The following EEFSEC variants were observed in gnomAD, a reference collection of about 807,000 sequenced individuals.
EEFSEC encodes eukaryotic elongation factor, selenocysteine-tRNA specific, also known as selenocysteine-specific elongation factor.
EEFSEC carries 43 observed loss-of-function variants against 42.1 expected under a neutral mutation model. That is an observed-to-expected ratio of 1.02 (90% CI 0.80 to 1.32). The LOEUF is 1.32. Ranked by LOEUF, EEFSEC falls within the 40% of genes most tolerant of loss-of-function variation. The probability of loss-of-function intolerance (pLI) is 0.00; values close to 1 mark genes in which losing one functional copy is unlikely to be tolerated. For missense variants in EEFSEC, 745 were observed against 803.6 expected, an observed-to-expected ratio of 0.93 and a Z score of 0.88; for synonymous variants, 354 against 339.1, an observed-to-expected ratio of 1.04 and a Z score of -0.48.
rs565813659 is a variant in EEFSEC at position 128,222,302 on chromosome 3, G to A, written c.317-24534G>A. Among the ~76,000 whole-genome samples the A allele has an allele frequency of 2.6e-5, 4 of 152,214 alleles. No homozygotes were observed. The South Asian group carries it at 8.3e-4, about 32-fold the overall frequency. On this transcript the variant is annotated intron_variant, in intron 1 of 6. Coordinates refer to ENST00000254730, the MANE Select transcript of EEFSEC (RefSeq NM_021937.5). Reference sequence around the variant, plus strand: ...CCTGCCTCGGCTTCCCAAAGGGCTGGGATTACAGATGTGAGCCACTGCGCC... The same window carrying A: ...CCTGCCTCGGCTTCCCAAAGGGCTGAGATTACAGATGTGAGCCACTGCGCC...
At chr3:128,304,612 T>C (rs2066806604) in intron 4 of EEFSEC, among the ~76,000 whole-genome samples, 1 of 152,176 alleles carries the variant, frequency 6.6e-6, no homozygotes, top group African/African-American at 2.4e-5. Flanking sequence ...TTTTAAATGT[T>C]TAGACCTTCA....
intron 2 of EEFSEC, among the ~76,000 whole-genome samples, chr3:128,261,882 C>A (rs577085603): frequency 2.0e-4 from 30 of 152,296 alleles, no homozygotes; most frequent in African/African-American, 7.0e-4. Flanking sequence ...AGGTTAATAT[C>A]TAAGAGAGCC....
At chr3:128,253,993 G>A (rs1023071793) in intron 2 of EEFSEC, among the ~76,000 whole-genome samples, 1 of 152,136 alleles carries the variant, frequency 6.6e-6, no homozygotes, top group Admixed American at 6.5e-5. Context: ...TTTCTTCAAG[G>A]GTTTGCTCCC....
intron 4 of EEFSEC, among the ~76,000 whole-genome samples, chr3:128,322,879 A>G (rs2067023311): frequency 1.3e-5 from 2 of 151,998 alleles, no homozygotes; most frequent in African/African-American, 4.8e-5. Flanking sequence ...TCTTTGCTTG[A>G]CTGACATCCA....
intron 1 of EEFSEC, among the ~76,000 whole-genome samples, chr3:128,225,019 G>A (rs1487610632): frequency 6.6e-6 from 1 of 152,226 alleles, no homozygotes; most frequent in Non-Finnish European, 1.5e-5. Context: ...TGGTTACCCC[G>A]AGTAGGGCGA....
intron 3 of EEFSEC, among the ~76,000 whole-genome samples, chr3:128,263,953 A>G (rs2066324925): frequency 6.6e-6 from 1 of 152,188 alleles, no homozygotes; most frequent in East Asian, 1.9e-4. Context: ...CTCAGGCATG[A>G]TGCCAGCTAC....
intron 6 of EEFSEC, among the ~76,000 whole-genome samples, chr3:128,363,585 G>A (rs1376657377): frequency 1.3e-5 from 2 of 152,146 alleles, no homozygotes. Context: ...AGCCACTTCT[G>A]CTCACCTCTG....
intron 6 of EEFSEC, among the ~76,000 whole-genome samples, chr3:128,378,091 C>T (rs1436964809): frequency 1.3e-5 from 2 of 152,218 alleles, no homozygotes; most frequent in Non-Finnish European, 2.9e-5. Context: ...ACTTCAGCCT[C>T]CTACACTGGG....
chr3:128,342,277 T>C (rs1177566928), intron 5 of EEFSEC, among the ~76,000 whole-genome samples: 1 of 152,240 alleles, frequency 6.6e-6, no homozygotes, highest in Admixed American at 6.5e-5. Context: ...GGCCCCACTC[T>C]CTTGACCTTG....
At position 128,262,561 on chromosome 3, in the gene EEFSEC, G is replaced by A. The variant is rs191684272; in HGVS notation, c.621+337G>A. 3.7e-3 allele frequency among the ~76,000 whole-genome samples: 565 copies of A among 152,258 alleles called. 7 individuals are homozygous for A. Among genetic ancestry groups the A allele is most frequent in the Admixed American group, 0.016 (239 of 15,302 alleles). On this transcript the variant is annotated intron_variant, in intron 3 of 6. Coordinates refer to ENST00000254730, the MANE Select transcript of EEFSEC (RefSeq NM_021937.5). ...CAGCTCCCACCCATCTGGAACCCTG[G>A]GACCGTGACATCCATTCCAGTCCTT...
chr3:128,387,804 G>C (rs867477604), intron 6 of EEFSEC, among the ~76,000 whole-genome samples: 1 of 152,158 alleles, frequency 6.6e-6, no homozygotes, highest in African/African-American at 2.4e-5. Context: ...CAAACCCTGC[G>C]AGTGTATGGA....
intron 5 of EEFSEC, 144 bp from the exon 6 acceptor site, chr3:128,358,073 C>A: frequency 9.5e-7 from 1 of 1,056,076 alleles, no homozygotes; most frequent in Non-Finnish European, 1.4e-6. Context: ...GTGGGCTCAT[C>A]ACCAGGCTAC....
intron 4 of EEFSEC, among the ~76,000 whole-genome samples, chr3:128,319,127 T>C (rs1171437393): frequency 6.6e-6 from 1 of 152,214 alleles, no homozygotes; most frequent in Non-Finnish European, 1.5e-5. Flanking sequence ...TGTTTCATGT[T>C]AAGTGCCATT....
At chr3:128,248,884 T>A (rs79899989) in intron 2 of EEFSEC, among the ~76,000 whole-genome samples, 6,646 of 152,318 alleles carry the variant, frequency 0.044, 484 homozygotes, top group African/African-American at 0.15. Context: ...ATTATGGACT[T>A]TATCACACAT....
chr3:128,336,738 C>T (rs912842847), intron 4 of EEFSEC, among the ~76,000 whole-genome samples: 1 of 152,236 alleles, frequency 6.6e-6, no homozygotes, highest in African/African-American at 2.4e-5. Flanking sequence ...GTTGTTCGCT[C>T]TCATACAGCC....
At chr3:128,367,670 C>A in intron 6 of EEFSEC, 1 of 985,456 alleles carries the variant, frequency 1.0e-6, no homozygotes, top group Non-Finnish European at 1.2e-6. Context: ...CCCCTTCCCA[C>A]CTTACAGGGA....
chr3:128,233,566 G>C (rs1172723853), intron 1 of EEFSEC, among the ~76,000 whole-genome samples: 1 of 152,212 alleles, frequency 6.6e-6, no homozygotes. Context: ...TTCTCTTACA[G>C]ATCTACCTGA....
At chr3:128,380,602 G>A (rs1355345138) in intron 6 of EEFSEC, among the ~76,000 whole-genome samples, 2 of 152,166 alleles carry the variant, frequency 1.3e-5, no homozygotes, top group Non-Finnish European at 2.9e-5. Flanking sequence ...CGTGCTTTAC[G>A]TTTTACATAC....
chr3:128,275,083 G>A (rs1559897481), intron 4 of EEFSEC, among the ~76,000 whole-genome samples: 2 of 152,120 alleles, frequency 1.3e-5, no homozygotes, highest in African/African-American at 2.4e-5. Context: ...TGTGGGCTGC[G>A]GTGCCTTTGG....
Sources: gnomAD v4.1 joint callset for allele counts (sites outside exome capture counted in the v4.1 genomes callset) on GRCh38, gnomAD v4.1.1 for gene constraint, MANE v1.5 for transcripts, NCBI Gene and HGNC (gene_info 2026-07-23, HGNC 2026-07-21) for gene names.